Variants in ADAMTSL1 observed in about 807,000 individuals in gnomAD.
ADAMTSL1 encodes ADAMTS-like protein 1.
Under a neutral mutation model 201.8 loss-of-function variants are expected in ADAMTSL1, and 126 were observed. That is an observed-to-expected ratio of 0.62 (90% CI 0.54 to 0.72). The LOEUF (loss-of-function observed/expected upper bound fraction) is 0.72. Ranked by LOEUF, ADAMTSL1 falls within the 30% of genes least tolerant of loss-of-function variation. The pLI, the probability that ADAMTSL1 is intolerant of heterozygous loss-of-function variation, is 0.00. For missense variants in ADAMTSL1, 2,679 were observed against 2,277.8 expected, an observed-to-expected ratio of 1.18 and a Z score of -3.59; for synonymous variants, 1,121 against 903.4, an observed-to-expected ratio of 1.24 and a Z score of -4.32.
At chr9:18,090,607 G>T (rs1035779853) in intron 1 of ADAMTSL1, among the ~76,000 whole-genome samples, 11 of 152,110 alleles carry the variant, frequency 7.2e-5, no homozygotes, top group Middle Eastern at 3.4e-3. Context: ...GGGAAATAGG[G>T]AGTTAGCATT....
intron 1 of ADAMTSL1, among the ~76,000 whole-genome samples, chr9:18,121,699 T>G (rs535161838): frequency 2.0e-4 from 30 of 152,308 alleles, no homozygotes; most frequent in African/African-American, 7.2e-4. Flanking sequence ...ACACATATCA[T>G]ACAAGAGGGA....
At chr9:18,455,410 T>A (rs1820562539) in intron 2 of ADAMTSL1, among the ~76,000 whole-genome samples, 1 of 152,202 alleles carries the variant, frequency 6.6e-6, no homozygotes, top group African/African-American at 2.4e-5. Flanking sequence ...TGCAAATGTT[T>A]CTAAGCTGGT....
At chr9:18,346,338 T>G (rs896931225) in intron 2 of ADAMTSL1, among the ~76,000 whole-genome samples, 3 of 152,220 alleles carry the variant, frequency 2.0e-5, no homozygotes, top group African/African-American at 7.2e-5. Flanking sequence ...AGTGCCTTTC[T>G]CAGAGCAGGG....
rs1444373679 is a variant in ADAMTSL1 at position 18,096,733 on chromosome 9, A to T, written c.88-67129A>T. The stretch of plus-strand genomic sequence containing the variant: ...ATGTTGTATCATCACCATCCAAATC[A>T]TGAGTAGAACTTTTCTGTCACCCTA... On this transcript the variant is annotated intron_variant, in intron 1 of 29. Transcript: ENST00000680146. Among the ~76,000 whole-genome samples the T allele has an allele frequency of 2.6e-5, 4 of 152,202 alleles. 1 individual carries two copies. The highest frequency in any genetic ancestry group is 2.0e-4 in the Admixed American group (3 of 15,278).
intron 2 of ADAMTSL1, among the ~76,000 whole-genome samples, chr9:18,461,099 A>G (rs998856307): frequency 6.6e-6 from 1 of 152,220 alleles, no homozygotes; most frequent in African/African-American, 2.4e-5. Flanking sequence ...TTTAAAGGGT[A>G]TATTGCAAAT....
chr9:18,363,067 C>T (rs1586974820), intron 2 of ADAMTSL1, among the ~76,000 whole-genome samples: 1 of 152,332 alleles, frequency 6.6e-6, no homozygotes, highest in Admixed American at 6.5e-5. Flanking sequence ...ATCAGAACTT[C>T]CTCTTTCAGT....
At chr9:18,885,137 C>T (rs983213583) in intron 23 of ADAMTSL1, among the ~76,000 whole-genome samples, 3 of 152,100 alleles carry the variant, frequency 2.0e-5, no homozygotes, top group African/African-American at 7.2e-5. Flanking sequence ...AACAGAATAC[C>T]TGAGACTAGG....
At position 18,614,696 on chromosome 9, in the gene ADAMTSL1, G is replaced by T. The variant is rs1825590361; in HGVS notation, c.475-7547G>T. On this transcript the variant is annotated intron_variant, in intron 4 of 28. Transcript: ENST00000380548. ...TGATTAAAACCCCTCACCCTAGATTGAGACCAAGCCTACCACCTATATGTA... is the reference window on the plus strand; with the variant it reads ...TGATTAAAACCCCTCACCCTAGATTTAGACCAAGCCTACCACCTATATGTA... Among the ~76,000 whole-genome samples, 4 of 152,036 alleles carry T rather than the reference G, an allele frequency of 2.6e-5. No homozygotes were observed. In the South Asian group the frequency reaches 8.3e-4, roughly 32 times the overall value.
chr9:18,380,003 G>A (rs1366542765), intron 2 of ADAMTSL1, among the ~76,000 whole-genome samples: 3 of 152,158 alleles, frequency 2.0e-5, no homozygotes, highest in Non-Finnish European at 4.4e-5. Flanking sequence ...GTAGCCAGGG[G>A]CTGTTAAAAT....
intron 15 of ADAMTSL1, among the ~76,000 whole-genome samples, chr9:18,742,420 G>GA (rs898723867): frequency 1.3e-5 from 2 of 152,068 alleles, no homozygotes; most frequent in Admixed American, 6.6e-5. Flanking sequence ...TAACTAGGGG[G>GA]AAAAAAACAT....
intron 2 of ADAMTSL1, among the ~76,000 whole-genome samples, chr9:18,506,947 T>G (rs1426607840): frequency 6.6e-6 from 1 of 152,214 alleles, no homozygotes; most frequent in East Asian, 1.9e-4. Context: ...GTGCTTAGTA[T>G]GGACTGATAC....
chr9:18,339,474 G>A (rs1465093130), intron 2 of ADAMTSL1, among the ~76,000 whole-genome samples: 2 of 152,046 alleles, frequency 1.3e-5, no homozygotes, highest in African/African-American at 4.8e-5. Flanking sequence ...GTGAGGTTGT[G>A]GAACAAAGGG....
chr9:18,165,874 C>T (rs1185622709), intron 2 of ADAMTSL1, among the ~76,000 whole-genome samples: 2 of 151,866 alleles, frequency 1.3e-5, no homozygotes, highest in East Asian at 1.9e-4. Flanking sequence ...CCGTAATCTC[C>T]GTTTGTCAAG....
intron 2 of ADAMTSL1, among the ~76,000 whole-genome samples, chr9:18,523,665 G>A (rs1231735618): frequency 2.7e-5 from 4 of 148,090 alleles, no homozygotes; most frequent in Admixed American, 6.8e-5. Flanking sequence ...CATATGGCTA[G>A]CCAGTTTTCC....
intron 14 of ADAMTSL1, among the ~76,000 whole-genome samples, chr9:18,711,404 C>T (rs571523431): frequency 3.4e-4 from 52 of 152,342 alleles, no homozygotes; most frequent in African/African-American, 1.1e-3. Flanking sequence ...GTGCGCGAGC[C>T]GAAGCAGGGC....
chr9:18,609,913 C>G (rs921403379), intron 4 of ADAMTSL1, among the ~76,000 whole-genome samples: 11 of 152,280 alleles, frequency 7.2e-5, no homozygotes, highest in African/African-American at 2.6e-4. Flanking sequence ...GATTATATAA[C>G]TCACAAGAGA....
intron 19 of ADAMTSL1, among the ~76,000 whole-genome samples, chr9:18,782,482 A>C (rs559601834): frequency 6.6e-6 from 1 of 152,326 alleles, no homozygotes; most frequent in African/African-American, 2.4e-5. Context: ...ATTCTCTGAT[A>C]TGTTACATAA....
intron 2 of ADAMTSL1, among the ~76,000 whole-genome samples, chr9:18,357,245 A>G (rs1008104242): frequency 6.6e-6 from 1 of 152,216 alleles, no homozygotes; most frequent in Non-Finnish European, 1.5e-5. Context: ...CACCCCAAGC[A>G]AAGTATTTTT....
intron 20 of ADAMTSL1, among the ~76,000 whole-genome samples, chr9:18,797,766 TTAAG>T (rs1250724268): frequency 7.2e-5 from 11 of 152,298 alleles, no homozygotes; most frequent in South Asian, 2.1e-4. Flanking sequence ...TGTTGTGAGG[TTAAG>T]TAAGATTGCA....
Sources: allele counts gnomAD v4.1 joint callset (sites outside exome capture counted in the v4.1 genomes callset), GRCh38; gene constraint gnomAD v4.1.1; transcripts MANE v1.5; gene names NCBI Gene and HGNC (gene_info 2026-07-23, HGNC 2026-07-21).